The following KSR1 variants were observed in gnomAD, a reference collection of about 807,000 sequenced individuals.
KSR1 encodes kinase suppressor of ras.
Under a neutral mutation model 92.9 loss-of-function variants are expected in KSR1, and 35 were observed. The observed-to-expected ratio is 0.38, with a 90% CI of 0.29 to 0.50. KSR1 has a LOEUF of 0.50. Among genes scored for constraint, KSR1 ranks in the 20% least tolerant of loss-of-function variants. The pLI is 0.94. For missense variants in KSR1, 972 were observed against 1,158.5 expected (o/e 0.84, Z 2.34); for synonymous variants, 467 against 472.6 (o/e 0.99, Z 0.15).
At chr17:27,560,550 C>T (rs535056024) in intron 2 of KSR1, 1 of 511,124 alleles carries the variant, frequency 2.0e-6, no homozygotes, top group South Asian at 1.4e-5. Context: ...AGGCCTTCTC[C>T]CAGAGATGGG....
chr17:27,538,409 CA>C (rs1197539848), intron 1 of KSR1, among the ~76,000 whole-genome samples: 1 of 152,136 alleles, frequency 6.6e-6, no homozygotes, highest in African/African-American at 2.4e-5. Context: ...AGGTGTTGGG[CA>C]GCCCCAAGAT....
intron 1 of KSR1, among the ~76,000 whole-genome samples, chr17:27,519,949 C>T (rs1233278310): frequency 6.6e-6 from 1 of 152,124 alleles, no homozygotes; most frequent in African/African-American, 2.4e-5. Flanking sequence ...AATACTGAAC[C>T]TGGCAGGGCT....
At chr17:27,492,160 A>T (rs1404426259) in intron 1 of KSR1, among the ~76,000 whole-genome samples, 1 of 152,138 alleles carries the variant, frequency 6.6e-6, no homozygotes, top group African/African-American at 2.4e-5. Flanking sequence ...TGTGTAGCAG[A>T]TACGAGTGGG....
intron 13 of KSR1, 70 bp from the exon 14 acceptor site, chr17:27,605,364 C>T (rs746572230): frequency 2.0e-6 from 3 of 1,529,384 alleles, no homozygotes; most frequent in African/African-American, 1.4e-5. Context: ...GCTAGGGCTC[C>T]AGGAGAAGGA....
At chr17:27,538,610 G>A (rs968613629) in intron 1 of KSR1, among the ~76,000 whole-genome samples, 34 of 152,328 alleles carry the variant, frequency 2.2e-4, no homozygotes, top group African/African-American at 7.5e-4. Flanking sequence ...GGGTTGTGAT[G>A]TGAAGACTGG....
intron 1 of KSR1, among the ~76,000 whole-genome samples, chr17:27,534,430 G>A (rs1407929473): frequency 3.3e-5 from 5 of 152,314 alleles, no homozygotes; most frequent in African/African-American, 1.2e-4. Flanking sequence ...ATCTATTATA[G>A]CAGGCCTGAT....
intron 2 of KSR1, among the ~76,000 whole-genome samples, chr17:27,562,898 C>A (rs2071889723): frequency 6.6e-6 from 1 of 152,182 alleles, no homozygotes; most frequent in Admixed American, 6.5e-5. Flanking sequence ...TCCTTTGCCA[C>A]TTGCCAGCAT....
At chr17:27,565,357 C>T (rs1187292620) in intron 2 of KSR1, among the ~76,000 whole-genome samples, 2 of 152,208 alleles carry the variant, frequency 1.3e-5, no homozygotes, top group African/African-American at 4.8e-5. Flanking sequence ...TCACTCCTCT[C>T]AGTAACTGTA....
intron 1 of KSR1, among the ~76,000 whole-genome samples, chr17:27,487,586 T>TG (rs1567755351): frequency 6.9e-6 from 1 of 145,934 alleles, no homozygotes; most frequent in South Asian, 2.2e-4. Flanking sequence ...CCATCTCTTT[T>TG]AAAAAAAAAA....
At chr17:27,489,616 C>G (rs554588792) in intron 1 of KSR1, among the ~76,000 whole-genome samples, 1 of 152,340 alleles carries the variant, frequency 6.6e-6, no homozygotes, top group East Asian at 1.9e-4. Flanking sequence ...TCTCCCCCAT[C>G]TGAATGAGAT....
chr17:27,554,784 A>G (rs2071530025), intron 2 of KSR1, among the ~76,000 whole-genome samples: 1 of 152,218 alleles, frequency 6.6e-6, no homozygotes, highest in Non-Finnish European at 1.5e-5. Context: ...TCTTCCATGA[A>G]ACCAGTTCCT....
At chr17:27,517,225 C>T (rs553522834) in intron 1 of KSR1, among the ~76,000 whole-genome samples, 1 of 152,338 alleles carries the variant, frequency 6.6e-6, no homozygotes, top group South Asian at 2.1e-4. Flanking sequence ...ACCTATGAGA[C>T]TTCATCTACA....
At chr17:27,558,878 C>T (rs1455470232) in intron 2 of KSR1, among the ~76,000 whole-genome samples, 1 of 152,098 alleles carries the variant, frequency 6.6e-6, no homozygotes, top group Non-Finnish European at 1.5e-5. Flanking sequence ...GGATTTGTCC[C>T]TTCAGTCACT....
At chr17:27,456,966 GC>G in intron 1 of KSR1, 92 bp downstream of exon 1, 1 of 699,362 alleles carries the variant, frequency 1.4e-6, no homozygotes, top group South Asian at 1.5e-5. Context: ...GCATCCTTGA[GC>G]CCGCGTCGCC....
Position 27,603,847 on chromosome 17 carries a change from T to C in KSR1, c.1524T>C (p.Phe508=). Residue 508 remains phenylalanine, a synonymous_variant, in exon 12 of 21, where the codon TTT becomes TTC. Coordinates refer to ENST00000644974, the MANE Select transcript of KSR1 (RefSeq NM_001394583.1). ...QQFIFPDISA[F]AHAAPLPEAA... is the part of the protein sequence containing the mutation. ...TGTTTCCTCCAGACATTTCAGCCTT[T>C]GCACACGCAGCCCCGCTCCCTGAAG... 1 of 1,613,968 alleles carries C rather than the reference T, an allele frequency of 6.2e-7. No homozygotes were observed. The highest frequency in any genetic ancestry group is 8.5e-7 in the Non-Finnish European group (1 of 1,179,862).
At chr17:27,487,586 T>TA (rs75708903) in intron 1 of KSR1, among the ~76,000 whole-genome samples, 31,647 of 145,528 alleles carry the variant, frequency 0.22, 3,618 homozygotes, top group Admixed American at 0.33. Flanking sequence ...CCATCTCTTT[T>TA]AAAAAAAAAA....
intron 1 of KSR1, among the ~76,000 whole-genome samples, chr17:27,523,257 G>A (rs1020145991): frequency 1.3e-5 from 2 of 152,036 alleles, no homozygotes; most frequent in African/African-American, 2.4e-5. Flanking sequence ...AATAAATGAC[G>A]GTTTACACAG....
chr17:27,603,852 A>T lies in KSR1; in HGVS notation c.1529A>T (p.His510Leu). ...CCTCCAGACATTTCAGCCTTTGCAC[A>T]CGCAGCCCCGCTCCCTGAAGCTGCC... ...FIFPDISAFAHAAPLPEAADG... is the reference protein window; with the variant it reads ...FIFPDISAFALAAPLPEAADG... Residue 510 changes from histidine to leucine, a missense_variant, in exon 12 of 21, where the codon CAC becomes CTC. Around this residue, in one of 5 missense-constraint regions of KSR1, gnomAD observed 611 missense variants for 668.0 expected, o/e 0.91. Coordinates refer to ENST00000644974, the MANE Select transcript of KSR1 (RefSeq NM_001394583.1). The T allele has an allele frequency of 6.2e-7, 1 of 1,613,952 alleles. No homozygotes were observed. Among genetic ancestry groups the T allele is most frequent in the Non-Finnish European group, 8.5e-7 (1 of 1,179,886 alleles).
chr17:27,518,567 G>C (rs1414944059), intron 1 of KSR1, among the ~76,000 whole-genome samples: 1 of 152,180 alleles, frequency 6.6e-6, no homozygotes, highest in Non-Finnish European at 1.5e-5. Context: ...AAGGCACTGT[G>C]TCGGGGAGCT....
Sources: gnomAD v4.1 joint callset for allele counts (sites outside exome capture counted in the v4.1 genomes callset) on GRCh38, gnomAD v4.1.1 for gene constraint, gnomAD v4.1.1 regional missense constraint, MANE v1.5 for transcripts, NCBI Gene and HGNC (gene_info 2026-07-23, HGNC 2026-07-21) for gene names.